Variants in ST18 observed in about 807,000 individuals in gnomAD.
ST18 encodes suppression of tumorigenicity 18 protein.
A neutral mutation model predicts 110.0 loss-of-function variants in ST18; 50 were observed. The observed-to-expected ratio is 0.45, with a 90% confidence interval of 0.36 to 0.58. The LOEUF is 0.58. ST18 is among the 20% of genes least tolerant of loss of function. The probability of loss-of-function intolerance (pLI) is 0.00; values close to 1 mark genes in which losing one functional copy is unlikely to be tolerated. For synonymous variants in ST18, 461 were observed against 452.4 expected, an observed-to-expected ratio of 1.02 and a Z score of -0.24; for missense variants, 1,306 against 1,280.1, an observed-to-expected ratio of 1.02 and a Z score of -0.31.
intron 23 of ST18, among the ~76,000 whole-genome samples, chr8:52,121,307 G>A (rs192624702): frequency 3.9e-5 from 6 of 152,264 alleles, no homozygotes; most frequent in African/African-American, 9.6e-5. Context: ...GATCTAATAC[G>A]TAACAGGCTC....
intron 16 of ST18, among the ~76,000 whole-genome samples, chr8:52,143,262 G>T (rs376723048): frequency 1.3e-5 from 2 of 152,164 alleles, no homozygotes; most frequent in East Asian, 3.9e-4. Context: ...CGAGGCAGGC[G>T]GATCACGAGG....
At chr8:52,208,751 G>C (rs1477713146) in intron 8 of ST18, among the ~76,000 whole-genome samples, 3 of 152,222 alleles carry the variant, frequency 2.0e-5, no homozygotes, top group African/African-American at 7.2e-5. Flanking sequence ...CCGGGAGGCG[G>C]AGCTTGCAGT....
intron 2 of ST18, among the ~76,000 whole-genome samples, chr8:52,376,449 A>T (rs1832408577): frequency 6.6e-6 from 1 of 151,890 alleles, no homozygotes; most frequent in African/African-American, 2.4e-5. Flanking sequence ...TGCAAACCTC[A>T]CCTTCCCTAT....
At chr8:52,317,745 T>C (rs2096057567) in intron 2 of ST18, among the ~76,000 whole-genome samples, 1 of 152,218 alleles carries the variant, frequency 6.6e-6, no homozygotes, top group Non-Finnish European at 1.5e-5. Context: ...ATTTCTCCTT[T>C]TGCATTCTAA....
chr8:52,238,322 A>T (rs1297093313), intron 2 of ST18, among the ~76,000 whole-genome samples: 1 of 152,192 alleles, frequency 6.6e-6, no homozygotes, highest in Non-Finnish European at 1.5e-5. Context: ...AATGTCTATC[A>T]ACCAATCAAA....
chr8:52,219,496 G>A lies in ST18; in HGVS notation c.-157+1245C>T, dbSNP rs531796097. 3.3e-5 allele frequency among the ~76,000 whole-genome samples: 5 copies of A among 152,208 alleles called. 1 individual carries two copies. The South Asian group carries it at 1.0e-3, about 32-fold the overall frequency. ...TTTGCACACTATTCTTGATTTCAATGCTCTGTTCTTGTATGCCTCTTATTT... is the reference window on the plus strand; with the variant it reads ...TTTGCACACTATTCTTGATTTCAATACTCTGTTCTTGTATGCCTCTTATTT... On this transcript the variant is annotated intron_variant, in intron 5 of 25. Transcript: ENST00000689386.
chr8:52,302,175 C>T (rs2139553160), intron 2 of ST18, among the ~76,000 whole-genome samples: 1 of 152,180 alleles, frequency 6.6e-6, no homozygotes, highest in East Asian at 1.9e-4. Context: ...AGAGACTGGT[C>T]AAATATAAGG....
chr8:52,284,005 C>T (rs1048350514), intron 2 of ST18, among the ~76,000 whole-genome samples: 1 of 152,172 alleles, frequency 6.6e-6, no homozygotes, highest in Non-Finnish European at 1.5e-5. Flanking sequence ...TGGGATCAGT[C>T]AGCTTGGTTG....
intron 2 of ST18, among the ~76,000 whole-genome samples, chr8:52,301,287 T>TA (rs2095717211): frequency 6.6e-6 from 1 of 152,200 alleles, no homozygotes; most frequent in South Asian, 2.1e-4. Context: ...TAACAAAATA[T>TA]AAAAAAGATA....
At chr8:52,144,347 A>G (rs1044857342) in intron 16 of ST18, among the ~76,000 whole-genome samples, 3 of 152,126 alleles carry the variant, frequency 2.0e-5, no homozygotes, top group African/African-American at 7.2e-5. Flanking sequence ...TTTAAATTAA[A>G]TGAATATAAA....
chr8:52,154,708 T>C (rs528788457), intron 15 of ST18: 1 of 152,162 alleles, frequency 6.6e-6, no homozygotes, highest in Admixed American at 6.5e-5. Flanking sequence ...ATTATATGCA[T>C]CTTACAACCA....
At chr8:52,342,101 C>CA (rs1815329242) in intron 2 of ST18, among the ~76,000 whole-genome samples, 1 of 152,158 alleles carries the variant, frequency 6.6e-6, no homozygotes, top group Non-Finnish European at 1.5e-5. Flanking sequence ...TAAGTGTTCA[C>CA]ACCACAAAAC....
intron 17 of ST18, among the ~76,000 whole-genome samples, chr8:52,139,593 T>C (rs1043057547): frequency 2.0e-5 from 3 of 152,108 alleles, no homozygotes; most frequent in African/African-American, 2.4e-5. Context: ...TGACCTCAGG[T>C]GATCTGCCTG....
At chr8:52,367,564 G>T (rs1828606665) in intron 2 of ST18, among the ~76,000 whole-genome samples, 1 of 152,192 alleles carries the variant, frequency 6.6e-6, no homozygotes, top group South Asian at 2.1e-4. Flanking sequence ...GAAAATGTGT[G>T]TGATGAATAT....
At chr8:52,341,046 T>C (rs1311340730) in intron 2 of ST18, among the ~76,000 whole-genome samples, 1 of 152,196 alleles carries the variant, frequency 6.6e-6, no homozygotes, top group Non-Finnish European at 1.5e-5. Context: ...TCATGCTAAA[T>C]ACTAGGAAAG....
intron 18 of ST18, 34 bp downstream of exon 18, chr8:52,137,387 T>A: frequency 6.2e-7 from 1 of 1,611,720 alleles, no homozygotes; most frequent in Non-Finnish European, 8.5e-7. Context: ...AACAAGACCA[T>A]GAAAATCTGA....
chr8:52,355,887 T>G (rs968745026), intron 2 of ST18, among the ~76,000 whole-genome samples: 1 of 152,166 alleles, frequency 6.6e-6, no homozygotes, highest in Admixed American at 6.5e-5. Context: ...TCATCTGACT[T>G]GAAGCATTAC....
chr8:52,341,780 G>A (rs969464506), intron 2 of ST18, among the ~76,000 whole-genome samples: 2 of 152,172 alleles, frequency 1.3e-5, no homozygotes, highest in African/African-American at 2.4e-5. Context: ...TCCAAGATCC[G>A]TGGCTTTCAG....
At chr8:52,324,735 T>C (rs1198455169) in intron 2 of ST18, among the ~76,000 whole-genome samples, 1 of 152,232 alleles carries the variant, frequency 6.6e-6, no homozygotes, top group East Asian at 1.9e-4. Context: ...TTAACATTTT[T>C]AGTGATTATA....
Sources: gnomAD v4.1 joint callset for allele counts (sites outside exome capture counted in the v4.1 genomes callset) on GRCh38, gnomAD v4.1.1 for gene constraint, MANE v1.5 for transcripts, NCBI Gene and HGNC (gene_info 2026-07-23, HGNC 2026-07-21) for gene names.